MAST2: variants seen among roughly 807,000 people sequenced by gnomAD.
MAST2 encodes the protein microtubule-associated serine/threonine-protein kinase 2.
In MAST2, 70 loss-of-function variants were observed where a neutral mutation model predicts 147.4. The observed-to-expected ratio is 0.47, with a 90% CI of 0.39 to 0.58. The LOEUF is 0.58. Among genes scored for constraint, MAST2 ranks in the 20% least tolerant of loss-of-function variants. MAST2 has a pLI of 0.00. For missense variants in MAST2, 2,080 were observed against 2,302.3 expected, an observed-to-expected ratio of 0.90 and a Z score of 1.98; for synonymous variants, 869 against 896.8, an observed-to-expected ratio of 0.97 and a Z score of 0.55.
chr1:45,879,440 A>G (rs541276416), intron 3 of MAST2, among the ~76,000 whole-genome samples: 5 of 151,928 alleles, frequency 3.3e-5, no homozygotes, highest in Non-Finnish European at 4.4e-5. Flanking sequence ...GGGCATGGTG[A>G]TGGGTGCCTG....
intron 5 of MAST2, among the ~76,000 whole-genome samples, chr1:45,967,120 C>T (rs1034655798): frequency 6.6e-6 from 1 of 152,020 alleles, no homozygotes; most frequent in South Asian, 2.1e-4. Context: ...GTCACCCAGG[C>T]TGGAGTGCAG....
chr1:46,017,303 A>G (rs1456308315), intron 10 of MAST2, among the ~76,000 whole-genome samples: 1 of 152,258 alleles, frequency 6.6e-6, no homozygotes, highest in African/African-American at 2.4e-5. Context: ...AGCAATGGCA[A>G]CAAAAGCCAA....
intron 5 of MAST2, among the ~76,000 whole-genome samples, chr1:45,988,901 ATGT>A (rs1644753259): frequency 6.6e-6 from 1 of 152,040 alleles, no homozygotes; most frequent in Non-Finnish European, 1.5e-5. Flanking sequence ...TTCCAGGCTC[ATGT>A]TGTATATTTC....
chr1:45,983,065 T>G (rs1027033278), intron 5 of MAST2, among the ~76,000 whole-genome samples: 3 of 152,200 alleles, frequency 2.0e-5, no homozygotes, highest in African/African-American at 7.2e-5. Context: ...TTCCATCACA[T>G]ATATAGTGGT....
At chr1:45,872,593 G>A (rs1171237418) in intron 3 of MAST2, among the ~76,000 whole-genome samples, 1 of 151,460 alleles carries the variant, frequency 6.6e-6, no homozygotes, top group African/African-American at 2.4e-5. Context: ...AGATTCTCCT[G>A]CCTCAGCCTC....
In MAST2 at chr1:46,003,289, C is replaced by T. The variant is rs539752908; in HGVS notation, c.747+406C>T. Among the ~76,000 whole-genome samples the T allele has an allele frequency of 1.2e-4, 18 of 152,272 alleles. No individual in the cohort carries two copies. In the South Asian group the frequency reaches 3.7e-3, roughly 32 times the overall value. ...ACTTGGTAGACTCTCCCCTCTTTTTCACCTTTTTCTTTCAAAAAAGAAGGG... is the reference window on the plus strand; with the variant it reads ...ACTTGGTAGACTCTCCCCTCTTTTTTACCTTTTTCTTTCAAAAAAGAAGGG... On this transcript the variant is annotated intron_variant, in intron 7 of 28. Coordinates refer to ENST00000361297, the MANE Select transcript of MAST2 (RefSeq NM_015112.3).
chr1:45,840,848 A>G (rs1645251404), intron 3 of MAST2, among the ~76,000 whole-genome samples: 1 of 152,192 alleles, frequency 6.6e-6, no homozygotes, highest in African/African-American at 2.4e-5. Context: ...CCATCAGGCT[A>G]CTTCTGTATG....
chr1:45,822,645 T>A (rs1570235614), intron 1 of MAST2, among the ~76,000 whole-genome samples: 1 of 152,276 alleles, frequency 6.6e-6, no homozygotes, highest in South Asian at 2.1e-4. Flanking sequence ...ATAGGATCTT[T>A]CCCTCTCCAC....
At chr1:45,926,533 G>A (rs1654392623) in intron 4 of MAST2, among the ~76,000 whole-genome samples, 1 of 152,182 alleles carries the variant, frequency 6.6e-6, no homozygotes, top group South Asian at 2.1e-4. Flanking sequence ...TGTTTCTGCT[G>A]AAAACTGGCC....
chr1:45,919,290 G>A (rs1272107788), intron 4 of MAST2, among the ~76,000 whole-genome samples: 2 of 152,024 alleles, frequency 1.3e-5, no homozygotes, highest in Non-Finnish European at 2.9e-5. Flanking sequence ...TGAGCTCTGG[G>A]GCAAGTTTTA....
At chr1:45,941,668 C>CTATTTGTTTTT (rs58795618) in intron 4 of MAST2, among the ~76,000 whole-genome samples, 5 of 151,666 alleles carry the variant, frequency 3.3e-5, no homozygotes, top group Admixed American at 6.6e-5. Flanking sequence ...TTGTTTATTC[C>CTATTTGTTTTT]TATTTGTTTT....
At chr1:46,009,900 G>A (rs1225963110) in intron 9 of MAST2, among the ~76,000 whole-genome samples, 1 of 152,178 alleles carries the variant, frequency 6.6e-6, no homozygotes, top group Non-Finnish European at 1.5e-5. Flanking sequence ...CAGAGTCTTA[G>A]ATAGACAGCT....
At chr1:45,998,967 C>G (rs997480248) in intron 6 of MAST2, among the ~76,000 whole-genome samples, 5 of 152,054 alleles carry the variant, frequency 3.3e-5, no homozygotes, top group Non-Finnish European at 7.4e-5. Context: ...CTCCTGACCT[C>G]GTGATCCACC....
intron 6 of MAST2, among the ~76,000 whole-genome samples, chr1:46,000,462 G>A (rs1384503788): frequency 3.3e-5 from 5 of 152,186 alleles, no homozygotes; most frequent in Non-Finnish European, 7.3e-5. Context: ...CAGGCAGAGG[G>A]AACAGCCTGT....
chr1:46,028,873 G>A lies in MAST2; in HGVS notation c.2158G>A (p.Val720Met). ...GGGCATTATCCTGTATGAGTTCCTGGTGGGCTGCGTCCCTTTTTTTGGAGA... is the reference window on the plus strand; with the variant it reads ...GGGCATTATCCTGTATGAGTTCCTGATGGGCTGCGTCCCTTTTTTTGGAGA... Reference protein sequence around the residue: ...AMGIILYEFLVGCVPFFGDTP... With the variant: ...AMGIILYEFLMGCVPFFGDTP... The change falls in exon 18 of 29, where the codon GTG (valine) becomes ATG (methionine). Residue 720 changes from valine to methionine, a missense_variant. By Grantham distance (21) the Val-to-Met change is conservative (BLOSUM62 1). Around this residue, in one of 4 missense-constraint regions of MAST2, gnomAD observed 209 missense variants for 309.5 expected, o/e 0.68. Coordinates refer to ENST00000361297, the MANE Select transcript of MAST2 (RefSeq NM_015112.3). 1 of 1,613,330 alleles carries A rather than the reference G, an allele frequency of 6.2e-7. No individual in the cohort carries two copies. Among genetic ancestry groups the A allele is most frequent in the African/African-American group, 1.3e-5 (1 of 75,012 alleles).
chr1:45,922,414 A>T (rs1029896590), intron 4 of MAST2, among the ~76,000 whole-genome samples: 22 of 152,310 alleles, frequency 1.4e-4, no homozygotes, highest in African/African-American at 5.1e-4. Context: ...CCTGCAGGCC[A>T]GCACTGGGCT....
Position 46,002,839 on chromosome 1 carries a change from C to T in MAST2, c.703C>T (p.Pro235Ser), listed in dbSNP as rs200601846. The change falls in exon 7 of 29, where the codon CCC becomes TCC. Residue 235 changes from proline (P) to serine (S), a missense_variant. Around this residue, in one of 4 missense-constraint regions of MAST2, gnomAD observed 569 missense variants for 642.5 expected, o/e 0.89. Transcript: ENST00000361297. ...GCGGCGCTGGTCTTTGGCCTCTTTG[C>T]CCTCTTCAGGATATGGAACTAACAC... is the stretch of plus-strand genomic sequence containing the variant. ...DGRRWSLASL[P>S]SSGYGTNTPS... 10 of 1,614,066 alleles carry T rather than the reference C, an allele frequency of 6.2e-6. No individual in the cohort carries two copies. The highest frequency in any genetic ancestry group is 7.6e-6 in the Non-Finnish European group (9 of 1,180,016).
At chr1:45,903,184 C>A (rs1318314254) in intron 4 of MAST2, among the ~76,000 whole-genome samples, 11 of 118,432 alleles carry the variant, frequency 9.3e-5, no homozygotes, top group African/African-American at 3.7e-4. Context: ...AGGCTGGATG[C>A]AGTGGCGTGA....
chr1:46,002,130 G>A (rs992799646), intron 6 of MAST2, among the ~76,000 whole-genome samples: 1 of 152,096 alleles, frequency 6.6e-6, no homozygotes, highest in African/African-American at 2.4e-5. Context: ...TGTTTTGTTT[G>A]TTTGTTTTGA....
Sources: gnomAD v4.1 joint callset for allele counts (sites outside exome capture counted in the v4.1 genomes callset) on GRCh38, gnomAD v4.1.1 for gene constraint, gnomAD v4.1.1 regional missense constraint, MANE v1.5 for transcripts, NCBI Gene and HGNC (gene_info 2026-07-23, HGNC 2026-07-21) for gene names.